Variants in DNM2 observed in about 807,000 individuals in gnomAD.
DNM2 encodes the protein dynamin-2.
Under a neutral mutation model 99.0 loss-of-function variants are expected in DNM2, and 15 were observed. The ratio of observed to expected loss-of-function variants is 0.15; its 90% CI spans 0.10 to 0.23. DNM2 has a LOEUF of 0.23. DNM2 is among the 10% of genes least tolerant of loss of function. The probability of loss-of-function intolerance (pLI) is 1.00; values close to 1 mark genes in which losing one functional copy is unlikely to be tolerated. For synonymous variants in DNM2, 525 were observed against 481.2 expected (o/e 1.09, Z -1.19); for missense variants, 742 against 1,189.4 (o/e 0.62, Z 5.53).
At position 10,782,971 on chromosome 19, in the gene DNM2, G is replaced by C. The variant is rs377159042; in HGVS notation, c.700G>C (p.Val234Leu). Residue 234 changes from valine (V) to leucine (L), a missense_variant, in exon 6 of 21, where the codon GTG becomes CTG. This residue lies in a region of DNM2 where 192 missense variants were observed against 358.9 expected (regional missense o/e 0.54). Transcript: ENST00000389253. Reference protein sequence around the residue: ...LLPLRRGYIGVVNRSQKDIEG... With the variant: ...LLPLRRGYIGLVNRSQKDIEG... The stretch of plus-strand genomic sequence containing the variant: ...GCCTCTCCCCACAGGCTACATTGGC[G>C]TGGTGAACCGCAGCCAGAAGGATAT... 86 of 1,613,890 alleles carry C rather than the reference G, an allele frequency of 5.3e-5. No individual in the cohort carries two copies. Among genetic ancestry groups the C allele is most frequent in the Non-Finnish European group, 6.9e-5 (81 of 1,180,040 alleles).
rs530898404 is a variant in DNM2, at chr19:10,818,918, A to G, written c.1672-1062A>G. Among the ~76,000 whole-genome samples, 1 of 152,126 alleles carries G rather than the reference A, an allele frequency of 6.6e-6. No individual in the cohort carries two copies. The highest frequency in any genetic ancestry group is 1.5e-5 in the Non-Finnish European group (1 of 68,012). On this transcript the variant is annotated intron_variant, in intron 15 of 20. Transcript: ENST00000389253. The surrounding 1 kb of genome is among the most constrained non-coding windows in gnomAD (Gnocchi z 4.3). ...AGGAGGGATCCGTGAACTGAGACCA[A>G]GCAGTGCATGGCATGGGTCCCCAAG...
chr19:10,773,449 ATT>A (rs71164121), intron 3 of DNM2, among the ~76,000 whole-genome samples: 4,158 of 124,368 alleles, frequency 0.033, 146 homozygotes, highest in East Asian at 0.12. Context: ...GCCCGGCCAA[ATT>A]TTTTTTTTTT....
chr19:10,735,443 T>C (rs2069488440), intron 1 of DNM2, among the ~76,000 whole-genome samples: 1 of 152,206 alleles, frequency 6.6e-6, no homozygotes, highest in East Asian at 1.9e-4. Context: ...GAGGTAGGCT[T>C]GCTAGGTTTC....
chr19:10,771,497 G>A (rs2070978493), intron 2 of DNM2, among the ~76,000 whole-genome samples: 1 of 151,668 alleles, frequency 6.6e-6, no homozygotes, highest in Non-Finnish European at 1.5e-5. Flanking sequence ...AAAGACTCAA[G>A]ACCAGCTCTG....
Position 10,811,310 on chromosome 19 carries a change from A to C in DNM2, c.1558-954A>C, listed in dbSNP as rs2072534310. 1 of 202,502 alleles carries C rather than the reference A, an allele frequency of 4.9e-6. No homozygotes were observed. The highest frequency in any genetic ancestry group is 2.4e-5 in the African/African-American group (1 of 42,442). The allele number at this position is 202,502 out of a possible 1,614,324, so 12.5% of individuals were successfully genotyped here. A position where few individuals can be genotyped will look rare whatever the true frequency, so the allele number is the denominator to read the frequency against. ...TGTCAGGCCCGGGGTGGGTCGGGGTAGTCCGGATGAAGCCCCTCCAGAGGA... is the reference window on the plus strand; with the variant it reads ...TGTCAGGCCCGGGGTGGGTCGGGGTCGTCCGGATGAAGCCCCTCCAGAGGA... On this transcript the variant is annotated intron_variant, in intron 14 of 20. Transcript: ENST00000389253. The surrounding 1 kb of genome is among the most constrained non-coding windows in gnomAD (Gnocchi z 5.4).
intron 7 of DNM2, 161 bp downstream of exon 7, chr19:10,786,867 A>C: frequency 6.9e-7 from 1 of 1,443,116 alleles, no homozygotes; most frequent in South Asian, 1.3e-5. Flanking sequence ...TAAGCATGGC[A>C]TTCGCCCCAG....
intron 1 of DNM2, among the ~76,000 whole-genome samples, chr19:10,726,769 C>T (rs138119567): frequency 1.0e-3 from 156 of 152,000 alleles, no homozygotes; most frequent in African/African-American, 3.5e-3. Flanking sequence ...GAGGCTGAGG[C>T]GGAGAATCGC....
intron 18 of DNM2, among the ~76,000 whole-genome samples, chr19:10,827,274 TA>T (rs918696836): frequency 2.0e-5 from 3 of 152,180 alleles, no homozygotes; most frequent in African/African-American, 7.2e-5. Context: ...CCTGCAAGTT[TA>T]CTTTTAGGAA....
At chr19:10,733,971 G>A (rs2069429016) in intron 1 of DNM2, among the ~76,000 whole-genome samples, 1 of 151,280 alleles carries the variant, frequency 6.6e-6, no homozygotes, top group South Asian at 2.1e-4. Context: ...TCGCGCCACT[G>A]TACTTCAGCC....
rs981627971 is a variant in DNM2 at position 10,816,087 on chromosome 19, C to T, written c.1671+3710C>T. Among the ~76,000 whole-genome samples the T allele has an allele frequency of 1.2e-4, 19 of 152,122 alleles. No individual in the cohort carries two copies. Among genetic ancestry groups the T allele is most frequent in the African/African-American group, 3.9e-4 (16 of 41,436 alleles). ...GGTCACCCCCATCTAAGGCTCTGAG[C>T]GGTGACTTGCCCCACATCATGGAGC... On this transcript the variant is annotated intron_variant, in intron 15 of 20. Transcript: ENST00000389253. The surrounding 1 kb of genome is among the most constrained non-coding windows in gnomAD (Gnocchi z 4.6).
chr19:10,828,051 G>A lies in DNM2; in HGVS notation c.2059-985G>A, dbSNP rs920811256. On this transcript the variant is annotated intron_variant, in intron 18 of 20. Coordinates refer to ENST00000389253, the MANE Select transcript of DNM2 (RefSeq NM_001005361.3). Reference sequence around the variant, plus strand: ...CGCCTGTAATCCCAGCACTTTGGGAGGCCAAGGCGGGTGGATCACCTGAGG... The same window carrying A: ...CGCCTGTAATCCCAGCACTTTGGGAAGCCAAGGCGGGTGGATCACCTGAGG... Among the ~76,000 whole-genome samples the A allele has an allele frequency of 3.3e-5, 5 of 152,302 alleles. No homozygotes were observed. The South Asian group carries it at 8.3e-4, about 25-fold the overall frequency.
chr19:10,819,824 G>A (rs961719040), intron 15 of DNM2, among the ~76,000 whole-genome samples, 156 bp from the exon 16 acceptor site: 3 of 152,150 alleles, frequency 2.0e-5, no homozygotes, highest in Admixed American at 6.5e-5. Context: ...ACAGAGTGAC[G>A]GACGGGGAAG....
chr19:10,801,917 A>C (rs576436667), intron 11 of DNM2, among the ~76,000 whole-genome samples: 36 of 151,920 alleles, frequency 2.4e-4, no homozygotes, highest in South Asian at 1.0e-3. Context: ...AGAAAAAAAA[A>C]AAAAAAACAA....
chr19:10,817,390 G>T lies in DNM2; in HGVS notation c.1672-2590G>T, dbSNP rs1386413316. 2.0e-6 allele frequency: 1 copy of T among 491,408 alleles called. No homozygotes were observed. Among genetic ancestry groups the T allele is most frequent in the Admixed American group, 2.2e-5 (1 of 45,782 alleles). The allele number at this position is 491,408 out of a possible 1,614,324, so 30.4% of individuals were successfully genotyped here. A position where few individuals can be genotyped will look rare whatever the true frequency, so the allele number is the denominator to read the frequency against. ...TGACACTCACCTGCCGGCGAGTTTG[G>T]GGGGCCTGTCTCGACGAGCCGCTCA... On this transcript the variant is annotated intron_variant, in intron 15 of 20. Transcript: ENST00000389253. The surrounding 1 kb of genome is among the most constrained non-coding windows in gnomAD (Gnocchi z 4.6).
chr19:10,719,065 G>A (rs1373185027), intron 1 of DNM2, among the ~76,000 whole-genome samples: 1 of 152,160 alleles, frequency 6.6e-6, no homozygotes, highest in Non-Finnish European at 1.5e-5. Flanking sequence ...CTGGCTAGCT[G>A]ACTCCTAGGG....
At chr19:10,790,812 G>A (rs2071729396) in intron 7 of DNM2, among the ~76,000 whole-genome samples, 1 of 152,092 alleles carries the variant, frequency 6.6e-6, no homozygotes, top group South Asian at 2.1e-4. Flanking sequence ...TGTTGCCCAG[G>A]CTAGAGTGCA....
chr19:10,777,023 T>C (rs1459668760), intron 4 of DNM2, 95 bp from the exon 5 acceptor site: 4 of 1,230,690 alleles, frequency 3.3e-6, no homozygotes, highest in Non-Finnish European at 4.8e-6. Context: ...GACCTGGAAG[T>C]TTCAGGGCCA....
Position 10,812,354 on chromosome 19 carries a change from C to T in DNM2, c.1648C>T (p.Leu550=). 1.2e-6 allele frequency: 2 copies of T among 1,609,612 alleles called. No individual in the cohort carries two copies. The highest frequency in any genetic ancestry group is 1.7e-6 in the Non-Finnish European group (2 of 1,177,542). ...CTGGTTTGTGCTGACTGCCGAGTCA[C>T]TGTCCTGGTACAAGGATGAGGAGGT... ...EYWFVLTAES[L]SWYKDEEEKE... The change falls in exon 15 of 21, where the codon CTG becomes TTG. Residue 550 remains leucine, a synonymous_variant. Coordinates refer to ENST00000389253, the MANE Select transcript of DNM2 (RefSeq NM_001005361.3). This position sits in a 1 kb window ranked among gnomAD's most constrained non-coding sequence, Gnocchi z 4.0.
intron 2 of DNM2, among the ~76,000 whole-genome samples, chr19:10,761,095 T>G (rs934858526): frequency 2.0e-5 from 3 of 152,044 alleles, no homozygotes; most frequent in African/African-American, 7.2e-5. Context: ...TTCAAGCGAT[T>G]CTCCTTCCTC....
Sources: allele counts gnomAD v4.1 joint callset (sites outside exome capture counted in the v4.1 genomes callset), GRCh38; gene constraint gnomAD v4.1.1; regional missense constraint gnomAD v4.1.1; non-coding constraint Gnocchi (gnomAD v3.1); transcripts MANE v1.5; gene names NCBI Gene and HGNC (gene_info 2026-07-23, HGNC 2026-07-21).